ERICH3: variants seen among roughly 807,000 people sequenced by gnomAD.
The protein encoded by ERICH3 is glutamate-rich protein 3.
ERICH3 carries 126 observed loss-of-function variants against 131.1 expected under a neutral mutation model. The ratio of observed to expected loss-of-function variants is 0.96; its 90% CI spans 0.83 to 1.11. ERICH3 has a LOEUF of 1.11. Among genes scored for constraint, ERICH3 ranks in the 50% most tolerant of loss-of-function variants. The pLI, the probability that ERICH3 is intolerant of heterozygous loss-of-function variation, is 0.00. For missense variants in ERICH3, 2,050 were observed against 1,810.7 expected (o/e 1.13, Z -2.40); for synonymous variants, 695 against 644.6 (o/e 1.08, Z -1.18).
chr1:74,660,550 A>C (rs1646630797), intron 1 of ERICH3, among the ~76,000 whole-genome samples: 1 of 150,294 alleles, frequency 6.7e-6, no homozygotes, highest in South Asian at 2.1e-4. Context: ...CATTGATTAT[A>C]AGAAGGCTCA....
At chr1:74,596,744 G>A (rs1647870723) in intron 11 of ERICH3, among the ~76,000 whole-genome samples, 1 of 151,966 alleles carries the variant, frequency 6.6e-6, no homozygotes, top group Non-Finnish European at 1.5e-5. Flanking sequence ...GCCTGGGGTT[G>A]CCAACACAAA....
intron 2 of ERICH3, among the ~76,000 whole-genome samples, chr1:74,648,088 T>G (rs1029037669): frequency 6.6e-6 from 1 of 152,140 alleles, no homozygotes; most frequent in African/African-American, 2.4e-5. Flanking sequence ...GTAGGGTTTC[T>G]GGGTGACCCT....
Position 74,673,656 on chromosome 1 carries a change from G to T in ERICH3, c.-137C>A. On this transcript the variant is annotated 5_prime_UTR_variant, in exon 1 of 15. Coordinates refer to ENST00000326665, the MANE Select transcript of ERICH3 (RefSeq NM_001002912.5). ...TCCCCTGTGCGCGGGCACCTGGGCT[G>T]GGCCGCCGCCGCCCCTGGGCGCCCG... The T allele has an allele frequency of 1.1e-6, 1 of 883,092 alleles. No homozygotes were observed. The allele number at this position is 883,092 out of a possible 1,614,324, so 54.7% of individuals were successfully genotyped here.
At chr1:74,618,075 A>T (rs1265445572) in intron 8 of ERICH3, among the ~76,000 whole-genome samples, 1 of 152,128 alleles carries the variant, frequency 6.6e-6, no homozygotes, top group Non-Finnish European at 1.5e-5. Flanking sequence ...AGATAGGAAG[A>T]TCACTTTACC....
chr1:74,641,519 G>T, intron 4 of ERICH3, 60 bp from the exon 5 acceptor site: 3 of 1,521,820 alleles, frequency 2.0e-6, no homozygotes, highest in Non-Finnish European at 2.7e-6. Context: ...GTTAGATTAT[G>T]CATGACATGT....
intron 10 of ERICH3, 52 bp downstream of exon 10, chr1:74,606,549 G>A (rs185517036): frequency 1.3e-6 from 2 of 1,515,266 alleles, no homozygotes; most frequent in African/African-American, 1.4e-5. Context: ...ACATTTCAAA[G>A]ACAAACGAAA....
At chr1:74,612,360 G>A (rs1648736053) in intron 9 of ERICH3, among the ~76,000 whole-genome samples, 1 of 152,140 alleles carries the variant, frequency 6.6e-6, no homozygotes. Context: ...CTTAAAGTGA[G>A]AAGACAGGAG....
intron 5 of ERICH3, among the ~76,000 whole-genome samples, chr1:74,640,330 G>T (rs1453122848): frequency 2.6e-5 from 4 of 152,106 alleles, no homozygotes; most frequent in African/African-American, 9.7e-5. Flanking sequence ...CCTGGAAATA[G>T]GGTGACAACA....
intron 8 of ERICH3, among the ~76,000 whole-genome samples, chr1:74,614,658 G>A (rs12088992): frequency 6.7e-6 from 1 of 149,036 alleles, no homozygotes; most frequent in Non-Finnish European, 1.5e-5. Flanking sequence ...GCCTGGGAGT[G>A]AGAGTGAGAC....
intron 1 of ERICH3, among the ~76,000 whole-genome samples, chr1:74,665,691 G>A (rs1311008255): frequency 1.3e-5 from 2 of 152,168 alleles, no homozygotes; most frequent in South Asian, 2.1e-4. Context: ...TTGTGAGCAT[G>A]TCTTTGTCCT....
intron 1 of ERICH3, among the ~76,000 whole-genome samples, chr1:74,661,193 A>G (rs1161357516): frequency 6.6e-6 from 1 of 152,132 alleles, no homozygotes; most frequent in African/African-American, 2.4e-5. Context: ...GGCAAAGGTT[A>G]AAGAGGTTGA....
intron 6 of ERICH3, 129 bp downstream of exon 6, chr1:74,636,151 G>T: frequency 2.6e-6 from 2 of 760,590 alleles, no homozygotes; most frequent in Non-Finnish European, 3.9e-6. Context: ...TGTAGTAAGT[G>T]TTTCATACAT....
intron 7 of ERICH3, chr1:74,622,657 G>A (rs1649263086): frequency 1.3e-5 from 2 of 152,202 alleles, no homozygotes. Flanking sequence ...GGATTTAGAG[G>A]CAGCCCTGTG....
intron 8 of ERICH3, among the ~76,000 whole-genome samples, chr1:74,617,413 T>C (rs185540455): frequency 1.2e-4 from 19 of 152,346 alleles, no homozygotes; most frequent in Non-Finnish European, 2.2e-4. Context: ...CGTGTTTTTA[T>C]GTTCATAGTC....
At chr1:74,577,100 A>G (rs1349792790) in intron 12 of ERICH3, 164 bp from the exon 13 acceptor site, 1 of 592,356 alleles carries the variant, frequency 1.7e-6, no homozygotes, top group African/African-American at 1.9e-5. Flanking sequence ...AATTCCTACC[A>G]GTATTGTATA....
Position 74,643,475 on chromosome 1 carries a change from C to A in ERICH3, c.244-377G>T, listed in dbSNP as rs532751956. On this transcript the variant is annotated intron_variant, in intron 3 of 14. Transcript: ENST00000326665. ...ACAATATGAACTATAAAGAGAATGG[C>A]TATATTTCTGGCACATCCATATGAT... Among the ~76,000 whole-genome samples, 4 of 152,044 alleles carry A rather than the reference C, an allele frequency of 2.6e-5. No individual in the cohort carries two copies. The East Asian group carries it at 7.7e-4, about 29-fold the overall frequency.
At chr1:74,641,604 G>T in intron 4 of ERICH3, 145 bp from the exon 5 acceptor site, 2 of 953,656 alleles carry the variant, frequency 2.1e-6, no homozygotes, top group Non-Finnish European at 1.5e-6. Context: ...GTTAGGTGTG[G>T]TGGTAAGGCA....
chr1:74,597,465 C>T (rs1420988680), intron 11 of ERICH3, among the ~76,000 whole-genome samples: 1 of 151,996 alleles, frequency 6.6e-6, no homozygotes, highest in Non-Finnish European at 1.5e-5. Flanking sequence ...AATTTTGGCT[C>T]TTAAATTTCC....
chr1:74,577,134 C>T (rs1263022767), intron 12 of ERICH3, 198 bp from the exon 13 acceptor site: 2 of 498,006 alleles, frequency 4.0e-6, no homozygotes, highest in Non-Finnish European at 7.0e-6. Context: ...TTATTTAATC[C>T]TAGACATCAA....
Sources: gnomAD v4.1 joint callset for allele counts (sites outside exome capture counted in the v4.1 genomes callset) on GRCh38, gnomAD v4.1.1 for gene constraint, MANE v1.5 for transcripts, NCBI Gene and HGNC (gene_info 2026-07-23, HGNC 2026-07-21) for gene names.